The following ANTXR2 variants were observed in gnomAD, a reference collection of about 807,000 sequenced individuals.
ANTXR2 encodes anthrax toxin receptor 2.
A neutral mutation model predicts 73.7 loss-of-function variants in ANTXR2; 44 were observed. That is an observed-to-expected ratio of 0.60 (90% CI 0.47 to 0.77). The LOEUF (loss-of-function observed/expected upper bound fraction) is 0.77. Ranked by LOEUF, ANTXR2 falls within the 30% of genes least tolerant of loss-of-function variation. The pLI is 0.00. For missense variants in ANTXR2, 604 were observed against 592.5 expected, an observed-to-expected ratio of 1.02 and a Z score of -0.20; for synonymous variants, 217 against 205.9, an observed-to-expected ratio of 1.05 and a Z score of -0.46.
chr4:79,909,500 C>T (rs929250667), intron 16 of ANTXR2, among the ~76,000 whole-genome samples: 1 of 151,648 alleles, frequency 6.6e-6, no homozygotes, highest in African/African-American at 2.4e-5. Flanking sequence ...TTATTTATTT[C>T]ATTTGATGTG....
intron 3 of ANTXR2, among the ~76,000 whole-genome samples, chr4:80,066,198 T>G (rs1162795572): frequency 6.6e-6 from 1 of 152,230 alleles, no homozygotes; most frequent in Non-Finnish European, 1.5e-5. Context: ...TGTCCTATGC[T>G]ATACAAAGGA....
At chr4:79,996,604 A>G (rs1374686650) in intron 12 of ANTXR2, among the ~76,000 whole-genome samples, 2 of 151,954 alleles carry the variant, frequency 1.3e-5, no homozygotes, top group Admixed American at 1.3e-4. Context: ...GGTGAAAATA[A>G]TCTGAAGCCA....
chr4:80,072,621 C>T lies in ANTXR2; in HGVS notation c.-61G>A, dbSNP rs2110129350. The T allele has an allele frequency of 7.2e-7, 1 of 1,389,078 alleles. No individual in the cohort carries two copies. Among genetic ancestry groups the T allele is most frequent in the East Asian group, 3.0e-5 (1 of 33,516 alleles). The allele number at this position is 1,389,078 out of a possible 1,614,324, so 86.0% of individuals were successfully genotyped here. On this transcript the variant is annotated 5_prime_UTR_variant, in exon 1 of 17. Coordinates refer to ENST00000403729, the MANE Select transcript of ANTXR2 (RefSeq NM_058172.6). ...CAGTCCCCTAAGCTCAGGAGGGTCG[C>T]AAAGGTGGCGGGAGTCACCCGGCAC...
chr4:79,997,498 CT>C (rs1359405102), intron 12 of ANTXR2, among the ~76,000 whole-genome samples: 1 of 151,932 alleles, frequency 6.6e-6, no homozygotes, highest in East Asian at 1.9e-4. Context: ...AAATGCCTTT[CT>C]TTTGACATAC....
rs182214704 is a variant in ANTXR2, at chr4:80,060,446, T to G, written c.297-4433A>C. ...ATTACCTATTTTGCCAGTCATTGCT[T>G]CTGTATGAGAGTTTTGGGTAAATAG... On this transcript the variant is annotated intron_variant, in intron 3 of 16. Transcript: ENST00000403729. Among the ~76,000 whole-genome samples, 476 of 152,322 alleles carry G rather than the reference T, an allele frequency of 3.1e-3. 5 individuals are homozygous for G. Among genetic ancestry groups the G allele is most frequent in the African/African-American group, 0.011 (440 of 41,582 alleles).
intron 12 of ANTXR2, among the ~76,000 whole-genome samples, chr4:80,002,827 C>T (rs1248116582): frequency 6.6e-6 from 1 of 151,138 alleles, no homozygotes; most frequent in Non-Finnish European, 1.5e-5. Flanking sequence ...CCATCACTGG[C>T]CATCAGAGAA....
At chr4:79,934,884 G>T (rs2109966010) in intron 16 of ANTXR2, among the ~76,000 whole-genome samples, 1 of 151,494 alleles carries the variant, frequency 6.6e-6, no homozygotes, top group South Asian at 2.1e-4. Context: ...CTTTCATGAA[G>T]GATACACACT....
chr4:79,926,804 T>C (rs1453588458), intron 16 of ANTXR2, among the ~76,000 whole-genome samples: 1 of 151,978 alleles, frequency 6.6e-6, no homozygotes, highest in Non-Finnish European at 1.5e-5. Flanking sequence ...TTATTCACAG[T>C]AGCCAAGATA....
Position 79,977,697 on chromosome 4 carries a change from C to T in ANTXR2, c.1352G>A (p.Arg451His), listed in dbSNP as rs761016397. 34 of 1,573,342 alleles carry T rather than the reference C, an allele frequency of 2.2e-5. No individual in the cohort carries two copies. In the East Asian group the frequency reaches 3.0e-4, roughly 14 times the overall value. ...QTKWYTPIKG[R>H]LDALWALLRR... is the part of the protein sequence containing the mutation. ...CAACAAAGCCCAGAGAGCATCAAGA[C>T]GACCCTAAGGGAAAATGAGATTTGT... Residue 451 changes from arginine to histidine, a missense_variant, in exon 16 of 17, where the codon CGT (arginine) becomes CAT (histidine). Transcript: ENST00000403729.
chr4:80,071,571 TAAGA>T lies in ANTXR2; in HGVS notation c.224+8_224+11del. The T allele has an allele frequency of 6.2e-7, 1 of 1,604,236 alleles. No individual in the cohort carries two copies. Among genetic ancestry groups the T allele is most frequent in the Non-Finnish European group, 8.5e-7 (1 of 1,171,160 alleles). On this transcript the variant is annotated splice_region_variant and intron_variant, in intron 2 of 16. Coordinates refer to ENST00000403729, the MANE Select transcript of ANTXR2 (RefSeq NM_058172.6). ...TTCTCCACTGCCTAGAAAAGTAAAG[TAAGA>T]AAGATACCTCACAAATCTCTCCGCA...
At chr4:79,984,663 A>C (rs1229835771) in intron 13 of ANTXR2, among the ~76,000 whole-genome samples, 156 bp downstream of exon 13, 1 of 152,166 alleles carries the variant, frequency 6.6e-6, no homozygotes, top group African/African-American at 2.4e-5. Flanking sequence ...GAAATAAATC[A>C]TAAGAGGATG....
At chr4:80,014,779 C>T (rs1293735148) in intron 11 of ANTXR2, among the ~76,000 whole-genome samples, 1 of 152,102 alleles carries the variant, frequency 6.6e-6, no homozygotes, top group African/African-American at 2.4e-5. Flanking sequence ...GCGGAGAAAC[C>T]TAACATCAGT....
chr4:80,047,450 T>C (rs1353905520), intron 7 of ANTXR2, among the ~76,000 whole-genome samples: 2 of 151,694 alleles, frequency 1.3e-5, no homozygotes, highest in Non-Finnish European at 3.0e-5. Flanking sequence ...GTTCCTACCC[T>C]GGACACTTTT....
chr4:79,923,856 A>G (rs1018443446), intron 16 of ANTXR2, among the ~76,000 whole-genome samples: 5 of 152,132 alleles, frequency 3.3e-5, no homozygotes, highest in African/African-American at 2.4e-5. Context: ...CGCTGTCTCT[A>G]TGTGTGTTGA....
chr4:80,002,440 C>T (rs1451935574), intron 12 of ANTXR2, among the ~76,000 whole-genome samples: 1 of 152,042 alleles, frequency 6.6e-6, no homozygotes, highest in African/African-American at 2.4e-5. Flanking sequence ...AACGTTAGAC[C>T]TAAAACCATA....
rs1282324707 is a variant in ANTXR2, at chr4:80,008,508, C to A, written c.1041+13G>T. On this transcript the variant is annotated intron_variant, in intron 12 of 16. Coordinates refer to ENST00000403729, the MANE Select transcript of ANTXR2 (RefSeq NM_058172.6). ...ATTTTTTTTAAGTAGAGTTGTAAAT[C>A]CTTCTTACTCACCACTTTGCAGCAA... 3.0e-5 allele frequency: 48 copies of A among 1,589,296 alleles called. No individual in the cohort carries two copies. Among genetic ancestry groups the A allele is most frequent in the Non-Finnish European group, 3.6e-5 (42 of 1,162,210 alleles).
intron 12 of ANTXR2, among the ~76,000 whole-genome samples, chr4:80,002,474 C>CTAAA (rs1451500460): frequency 2.0e-5 from 3 of 152,106 alleles, no homozygotes; most frequent in African/African-American, 7.2e-5. Flanking sequence ...AAAACCTAGG[C>CTAAA]ATTACCATTC....
intron 14 of ANTXR2, 84 bp downstream of exon 14, chr4:79,983,794 T>C (rs1729987283): frequency 2.0e-6 from 2 of 1,024,436 alleles, no homozygotes; most frequent in African/African-American, 1.6e-5. Flanking sequence ...AATATTGAAT[T>C]GTGAAAAGTA....
chr4:80,072,515 A>G lies in ANTXR2; in HGVS notation c.46T>C (p.Phe16Leu). The part of the protein sequence containing the change: ...SPARSPGSWL[F>L]PGLWLLVLSG... The stretch of plus-strand genomic sequence containing the variant: ...AGCACCAACAGCCACAGCCCGGGGA[A>G]CAGCCAGCTCCCGGGGCTGCGGGCC... The change falls in exon 1 of 17, where the codon TTC (phenylalanine) becomes CTC (leucine). Residue 16 changes from phenylalanine to leucine, a missense_variant. Phe to Leu is a conservative substitution (Grantham distance 22). Transcript: ENST00000403729. 1 of 1,603,188 alleles carries G rather than the reference A, an allele frequency of 6.2e-7. No individual in the cohort carries two copies. Among genetic ancestry groups the G allele is most frequent in the Non-Finnish European group, 8.5e-7 (1 of 1,175,646 alleles).
Sources: gnomAD v4.1 joint callset for allele counts (sites outside exome capture counted in the v4.1 genomes callset) on GRCh38, gnomAD v4.1.1 for gene constraint, MANE v1.5 for transcripts, NCBI Gene and HGNC (gene_info 2026-07-23, HGNC 2026-07-21) for gene names.